Variants in C6orf52 observed in about 807,000 individuals in gnomAD.
C6orf52 encodes putative uncharacterized protein C6orf52.
A neutral mutation model predicts 16.6 loss-of-function variants in C6orf52; 16 were observed. That is an observed-to-expected ratio of 0.96 (90% CI 0.65 to 1.46). The LOEUF is 1.46. Among genes scored for constraint, C6orf52 ranks in the 40% most tolerant of loss-of-function variants. The pLI, the probability that C6orf52 is intolerant of heterozygous loss-of-function variation, is 0.00. For missense variants in C6orf52, 166 were observed against 182.3 expected (o/e 0.91, Z 0.52); for synonymous variants, 53 against 61.4 (o/e 0.86, Z 0.64).
At chr6:10,692,272 G>A (rs529440378) in intron 1 of C6orf52, among the ~76,000 whole-genome samples, 14 of 152,196 alleles carry the variant, frequency 9.2e-5, no homozygotes, top group Non-Finnish European at 1.8e-4. Flanking sequence ...AACTTACAAT[G>A]TCCTGCTTAC....
chr6:10,683,190 C>T lies in C6orf52; in HGVS notation c.313G>A (p.Glu105Lys). 6.5e-7 allele frequency: 1 copy of T among 1,544,042 alleles called. No homozygotes were observed. Among genetic ancestry groups the T allele is most frequent in the Non-Finnish European group, 8.8e-7 (1 of 1,142,012 alleles). Residue 105 changes from glutamate to lysine, a missense_variant, in exon 4 of 5, where the codon GAA becomes AAA. Coordinates refer to ENST00000259983, the MANE Select transcript of C6orf52 (RefSeq NM_001145020.3). ...LAENQDEDPL[E>K]DPHLHLNIEE... is the part of the protein sequence containing the mutation. ...TTCAGCACAAGGTTTATGTTACCTT[C>T]TAGTGGGTCTTCATCTTGGTTTTCA...
At chr6:10,691,238 A>C (rs921576709) in intron 1 of C6orf52, among the ~76,000 whole-genome samples, 2 of 152,222 alleles carry the variant, frequency 1.3e-5, no homozygotes, top group Non-Finnish European at 2.9e-5. Context: ...AAAACCCCTC[A>C]GCCAGCGAGT....
chr6:10,691,574 GATTTC>G (rs1169855699), intron 1 of C6orf52, among the ~76,000 whole-genome samples: 3 of 152,030 alleles, frequency 2.0e-5, no homozygotes, highest in Non-Finnish European at 4.4e-5. Flanking sequence ...TCTGCTTGTG[GATTTC>G]ATTTCTGCCT....
At chr6:10,676,776 T>G (rs1438001513) in intron 4 of C6orf52, among the ~76,000 whole-genome samples, 1 of 152,206 alleles carries the variant, frequency 6.6e-6, no homozygotes, top group Non-Finnish European at 1.5e-5. Flanking sequence ...GAGGCCTGTT[T>G]CCTGTCACAC....
At chr6:10,672,211 A>C (rs956472144) in intron 4 of C6orf52, among the ~76,000 whole-genome samples, 2 of 152,120 alleles carry the variant, frequency 1.3e-5, no homozygotes, top group African/African-American at 4.8e-5. Context: ...AAGGTCATTA[A>C]TTTTTTTAAT....
At chr6:10,688,672 T>C (rs961105365) in intron 1 of C6orf52, among the ~76,000 whole-genome samples, 2 of 152,196 alleles carry the variant, frequency 1.3e-5, no homozygotes, top group Non-Finnish European at 2.9e-5. Context: ...CACCCTCCCA[T>C]AAACCTTAAA....
chr6:10,687,178 A>AATC lies in C6orf52; in HGVS notation c.72-17_72-15dup. 6.6e-7 allele frequency: 1 copy of AATC among 1,526,540 alleles called. No homozygotes were observed. Among genetic ancestry groups the AATC allele is most frequent in the East Asian group, 2.5e-5 (1 of 40,788 alleles). The allele number at this position is 1,526,540 out of a possible 1,614,324, so 94.6% of individuals were successfully genotyped here. A position where few individuals can be genotyped will look rare whatever the true frequency, so the allele number is the denominator to read the frequency against. ...GCAGAGGGGAGACTACAGGAATGAC[A>AATC]ATCATCACAACCAACGCAGAATCAT... On this transcript the variant is annotated splice_polypyrimidine_tract_variant and intron_variant, in intron 2 of 4. Coordinates refer to ENST00000259983, the MANE Select transcript of C6orf52 (RefSeq NM_001145020.3).
chr6:10,680,858 TG>T lies in C6orf52; in HGVS notation c.316+2328del, dbSNP rs561839770. 4.2e-3 allele frequency among the ~76,000 whole-genome samples: 643 copies of T among 152,346 alleles called. 4 individuals carry two copies. Among genetic ancestry groups the T allele is most frequent in the South Asian group, 8.9e-3 (43 of 4,830 alleles). ...CTCTGTCACCCAGGCTGACATGCAG[TG>T]GCACATTCATAGCTCACTTAAGCCT... is the stretch of plus-strand genomic sequence containing the variant. On this transcript the variant is annotated intron_variant, in intron 4 of 4. Coordinates refer to ENST00000259983, the MANE Select transcript of C6orf52 (RefSeq NM_001145020.3).
intron 4 of C6orf52, 39 bp downstream of exon 4, chr6:10,683,148 G>A: frequency 2.1e-6 from 3 of 1,407,794 alleles, no homozygotes; most frequent in Non-Finnish European, 1.9e-6. Flanking sequence ...AGGAAATGGG[G>A]TTTTGTTTCC....
At position 10,687,954 on chromosome 6, in the gene C6orf52, T is replaced by G. The variant is rs542607352; in HGVS notation, c.-11-393A>C. Reference sequence around the variant, plus strand: ...AGGTAAAAGAGGAAACTCTAATAACTAAAACCTTAAGACAAATACATTTCT... The same window carrying G: ...AGGTAAAAGAGGAAACTCTAATAACGAAAACCTTAAGACAAATACATTTCT... On this transcript the variant is annotated intron_variant, in intron 1 of 4. Transcript: ENST00000259983. Among the ~76,000 whole-genome samples the G allele has an allele frequency of 6.6e-5, 10 of 152,322 alleles. 1 individual carries two copies. The East Asian group carries it at 1.5e-3, about 24-fold the overall frequency.
chr6:10,674,344 G>A (rs996782162), intron 4 of C6orf52, among the ~76,000 whole-genome samples: 21 of 152,070 alleles, frequency 1.4e-4, no homozygotes, highest in African/African-American at 4.1e-4. Context: ...CAGATATTAG[G>A]TTAAGTAAGA....
At chr6:10,674,333 C>A (rs1767681365) in intron 4 of C6orf52, among the ~76,000 whole-genome samples, 1 of 152,116 alleles carries the variant, frequency 6.6e-6, no homozygotes, top group Non-Finnish European at 1.5e-5. Context: ...TCAGTCCATA[C>A]CAGATATTAG....
intron 1 of C6orf52, among the ~76,000 whole-genome samples, chr6:10,689,557 C>T (rs971240513): frequency 1.3e-5 from 2 of 152,190 alleles, no homozygotes; most frequent in Non-Finnish European, 2.9e-5. Context: ...CCTAGCTTCT[C>T]CCTTGCAGCA....
At chr6:10,682,039 G>A (rs1257161676) in intron 4 of C6orf52, among the ~76,000 whole-genome samples, 1 of 152,184 alleles carries the variant, frequency 6.6e-6, no homozygotes. Flanking sequence ...GAGGAGCCTG[G>A]CCTTTTCAAC....
intron 1 of C6orf52, among the ~76,000 whole-genome samples, chr6:10,688,483 A>C (rs1769034558): frequency 1.3e-5 from 2 of 152,230 alleles, no homozygotes; most frequent in South Asian, 4.1e-4. Flanking sequence ...TAATGCGAAA[A>C]ATAGCAAACA....
chr6:10,689,988 GGACT>G (rs769773943), intron 1 of C6orf52, among the ~76,000 whole-genome samples: 2 of 152,004 alleles, frequency 1.3e-5, no homozygotes, highest in Non-Finnish European at 2.9e-5. Context: ...TCTCACTTTA[GGACT>G]GACTTTATTT....
chr6:10,679,588 C>A (rs73439071), intron 4 of C6orf52, among the ~76,000 whole-genome samples: 8,426 of 131,624 alleles, frequency 0.064, 764 homozygotes, highest in African/African-American at 0.31. Context: ...AAACAAAAAA[C>A]AAAAACCATA....
Position 10,687,570 on chromosome 6 carries a change from A to G in C6orf52, c.-11-9T>C. On this transcript the variant is annotated splice_polypyrimidine_tract_variant and intron_variant, in intron 1 of 4. Coordinates refer to ENST00000259983, the MANE Select transcript of C6orf52 (RefSeq NM_001145020.3). ...GGCCATTTACCCAGAAACTTTACAA[A>G]AAGAGAGCAGAATCCAGTTTTTATT... 3 of 1,526,994 alleles carry G rather than the reference A, an allele frequency of 2.0e-6. No individual in the cohort carries two copies. Among genetic ancestry groups the G allele is most frequent in the African/African-American group, 1.4e-5 (1 of 71,834 alleles). 94.6% of individuals were successfully genotyped at this position (1,526,994 alleles called of 1,614,324 possible).
chr6:10,687,495 T>C lies in C6orf52; in HGVS notation c.56A>G (p.Tyr19Cys), dbSNP rs1416454449. Residue 19 changes from tyrosine (Y) to cysteine (C), a missense_variant, in exon 2 of 5, where the codon TAC becomes TGC. Tyr to Cys is a radical substitution (Grantham distance 194). Transcript: ENST00000259983. Reference sequence around the variant, plus strand: ...AACCACTCACCTTTGCCAGTAGCAGTAATAGTTATTTTGTTGAGCTATGCC... The same window carrying C: ...AACCACTCACCTTTGCCAGTAGCAGCAATAGTTATTTTGTTGAGCTATGCC... ...DFGIAQQNNY[Y>C]CYWQSLPSAI... The C allele has an allele frequency of 6.5e-7, 1 of 1,549,202 alleles. No homozygotes were observed.
Sources: gnomAD v4.1 joint callset for allele counts (sites outside exome capture counted in the v4.1 genomes callset) on GRCh38, gnomAD v4.1.1 for gene constraint, MANE v1.5 for transcripts, NCBI Gene and HGNC (gene_info 2026-07-23, HGNC 2026-07-21) for gene names.